USP25: variants seen among roughly 807,000 people sequenced by gnomAD.
USP25 encodes ubiquitin carboxyl-terminal hydrolase 25.
USP25 carries 85 observed loss-of-function variants against 158.5 expected under a neutral mutation model. That is an observed-to-expected ratio of 0.54 (90% confidence interval 0.45 to 0.64). The LOEUF is 0.64. Among genes scored for constraint, USP25 ranks in the 30% least tolerant of loss-of-function variants. The probability of loss-of-function intolerance (pLI) is 0.00; values close to 1 mark genes in which losing one functional copy is unlikely to be tolerated. For missense variants in USP25, 1,242 were observed against 1,327.3 expected (o/e 0.94, Z 1.00); for synonymous variants, 464 against 460.4 (o/e 1.01, Z -0.10).
chr21:15,808,777 T>C, intron 7 of USP25, 32 bp from the exon 8 acceptor site: 1 of 1,547,884 alleles, frequency 6.5e-7, no homozygotes, highest in Non-Finnish European at 8.7e-7. Flanking sequence ...TTTAGTAGGC[T>C]CAAATATCAA....
intron 1 of USP25, among the ~76,000 whole-genome samples, chr21:15,757,214 G>A (rs1208196869): frequency 1.3e-5 from 2 of 152,140 alleles, no homozygotes; most frequent in African/African-American, 4.8e-5. Flanking sequence ...TGCAAATGAG[G>A]TGGCTTCTCT....
intron 23 of USP25, among the ~76,000 whole-genome samples, chr21:15,871,915 C>T (rs9981946): frequency 0.092 from 13,749 of 150,154 alleles, 2,062 homozygotes; most frequent in African/African-American, 0.32. Flanking sequence ...CACTTGAACC[C>T]GGGAGGCGGA....
chr21:15,775,493 C>T (rs1035333832), intron 3 of USP25, among the ~76,000 whole-genome samples: 6 of 152,132 alleles, frequency 3.9e-5, no homozygotes, highest in South Asian at 4.1e-4. Context: ...ATTAGGAAAG[C>T]GGCCTCTTGG....
chr21:15,856,373 TTTC>T (rs1224497436), intron 20 of USP25, among the ~76,000 whole-genome samples: 2 of 152,246 alleles, frequency 1.3e-5, no homozygotes, highest in African/African-American at 4.8e-5. Context: ...CTATTCATTG[TTTC>T]TTGTATATCC....
Position 15,766,190 on chromosome 21 carries a change from A to G in USP25, c.268+49A>G. 1 of 1,531,510 alleles carries G rather than the reference A, an allele frequency of 6.5e-7. No individual in the cohort carries two copies. 94.9% of individuals were successfully genotyped at this position (1,531,510 alleles called of 1,614,324 possible). ...TATTTTAATAGAAACATACTGAAAA[A>G]CTTTTCTTGGTGTAATATATTAATG... On this transcript the variant is annotated intron_variant, in intron 3 of 25. Transcript: ENST00000400183. The surrounding 1 kb of genome is among the most constrained non-coding windows in gnomAD (Gnocchi z 4.0).
At chr21:15,853,330 C>T (rs71317628) in intron 20 of USP25, among the ~76,000 whole-genome samples, 22 of 152,166 alleles carry the variant, frequency 1.4e-4, no homozygotes, top group Admixed American at 4.6e-4. Context: ...TACACGCACA[C>T]GTGTACACAT....
At chr21:15,755,712 A>G (rs2033329190) in intron 1 of USP25, among the ~76,000 whole-genome samples, 1 of 152,168 alleles carries the variant, frequency 6.6e-6, no homozygotes, top group African/African-American at 2.4e-5. Context: ...AAGTTCGATT[A>G]ATTGAGTGCT....
At chr21:15,784,078 A>G (rs548740751) in intron 4 of USP25, among the ~76,000 whole-genome samples, 37 of 152,372 alleles carry the variant, frequency 2.4e-4, no homozygotes, top group Admixed American at 2.2e-3. Context: ...AGGAAATAAT[A>G]GGAAATGAAA....
At chr21:15,769,818 A>G (rs796629964) in intron 3 of USP25, among the ~76,000 whole-genome samples, 2 of 152,178 alleles carry the variant, frequency 1.3e-5, no homozygotes, top group African/African-American at 4.8e-5. Context: ...AAGATGTGCT[A>G]CAATTGAGCG....
intron 9 of USP25, among the ~76,000 whole-genome samples, chr21:15,817,888 T>C (rs2037026804): frequency 6.6e-6 from 1 of 152,114 alleles, no homozygotes; most frequent in Non-Finnish European, 1.5e-5. Context: ...CCAAACCGTA[T>C]CAGTGACTTT....
chr21:15,782,695 A>C (rs147992077), intron 4 of USP25, among the ~76,000 whole-genome samples: 18 of 152,232 alleles, frequency 1.2e-4, no homozygotes, highest in Admixed American at 4.6e-4. Context: ...TCCACCCTGA[A>C]CCAAAGCCAC....
At chr21:15,747,282 AC>A (rs2032634748) in intron 1 of USP25, among the ~76,000 whole-genome samples, 1 of 152,092 alleles carries the variant, frequency 6.6e-6, no homozygotes, top group Non-Finnish European at 1.5e-5. Context: ...CTAGTATTGA[AC>A]CATTTATAGA....
Position 15,799,814 on chromosome 21 carries a change from A to G in USP25, c.613A>G (p.Asn205Asp), listed in dbSNP as rs762491114. The change falls in exon 6 of 26, where the codon AAT (asparagine) becomes GAT (aspartate). Residue 205 changes from asparagine (N) to aspartate (D), a missense_variant. Asn to Asp is a conservative substitution (Grantham distance 23, BLOSUM62 1). Transcript: ENST00000400183. ...AGTTCTGAATTACAAGCCTCCATCA[A>G]ATGCTCAAGATTTACCCCGAAACCA... ...RLVLNYKPPS[N>D]AQDLPRNQKE... The G allele has an allele frequency of 1.5e-5, 24 of 1,604,892 alleles. No homozygotes were observed. Among genetic ancestry groups the G allele is most frequent in the Non-Finnish European group, 2.0e-5 (24 of 1,174,620 alleles).
At chr21:15,863,694 G>T (rs934333609) in intron 20 of USP25, among the ~76,000 whole-genome samples, 2 of 152,118 alleles carry the variant, frequency 1.3e-5, no homozygotes, top group Admixed American at 6.5e-5. Flanking sequence ...ATATTTTACC[G>T]CTTTCATGTG....
At position 15,842,547 on chromosome 21, in the gene USP25, A is replaced by G; in HGVS notation, c.2337+7A>G. The stretch of plus-strand genomic sequence containing the variant: ...TGAAACAGTTTTGCAGTCGGTAAGA[A>G]CTTTTCTTTTGGCTCTCTGAACATA... On this transcript the variant is annotated splice_region_variant and intron_variant, in intron 18 of 25. Transcript: ENST00000400183. The G allele has an allele frequency of 1.2e-6, 2 of 1,612,862 alleles. No homozygotes were observed. The highest frequency in any genetic ancestry group is 1.7e-6 in the Non-Finnish European group (2 of 1,179,300).
chr21:15,869,453 A>G (rs2039795094), intron 22 of USP25, among the ~76,000 whole-genome samples: 4 of 151,958 alleles, frequency 2.6e-5, no homozygotes. Flanking sequence ...CTTTGGTATC[A>G]CCTTAGAATT....
Position 15,766,843 on chromosome 21 carries a change from A to G in USP25, c.268+702A>G, listed in dbSNP as rs1326634844. On this transcript the variant is annotated intron_variant, in intron 3 of 25. Transcript: ENST00000400183. This position sits in a 1 kb window ranked among gnomAD's most constrained non-coding sequence, Gnocchi z 4.0. Reference sequence around the variant, plus strand: ...TACTTTTATGCCTTATGGATTTGCAAAGTTTGATTATTAACATATATTTGG... The same window carrying G: ...TACTTTTATGCCTTATGGATTTGCAGAGTTTGATTATTAACATATATTTGG... Among the ~76,000 whole-genome samples, 1 of 152,014 alleles carries G rather than the reference A, an allele frequency of 6.6e-6. No homozygotes were observed. Among genetic ancestry groups the G allele is most frequent in the African/African-American group, 2.4e-5 (1 of 41,370 alleles).
At chr21:15,855,467 ATTAT>A (rs1390191310) in intron 20 of USP25, among the ~76,000 whole-genome samples, 1 of 152,214 alleles carries the variant, frequency 6.6e-6, no homozygotes, top group Non-Finnish European at 1.5e-5. Context: ...AAGAGGAAGA[ATTAT>A]TTATCAACAT....
intron 17 of USP25, among the ~76,000 whole-genome samples, chr21:15,840,139 G>A (rs1404678389): frequency 6.6e-6 from 1 of 151,994 alleles, no homozygotes; most frequent in Admixed American, 6.6e-5. Flanking sequence ...TATTCCTTCT[G>A]CCTGGAATCT....
Sources: gnomAD v4.1 joint callset for allele counts (sites outside exome capture counted in the v4.1 genomes callset) on GRCh38, gnomAD v4.1.1 for gene constraint, Gnocchi (gnomAD v3.1) non-coding constraint, MANE v1.5 for transcripts, NCBI Gene and HGNC (gene_info 2026-07-23, HGNC 2026-07-21) for gene names.